FAM135B: variants seen among roughly 807,000 people sequenced by gnomAD.
The protein encoded by FAM135B is protein FAM135B.
A neutral mutation model predicts 127.7 loss-of-function variants in FAM135B; 43 were observed. The ratio of observed to expected loss-of-function variants is 0.34; its 90% CI spans 0.26 to 0.43. The LOEUF (loss-of-function observed/expected upper bound fraction) is 0.43, where lower values mean the gene tolerates loss of function less well. Ranked by LOEUF, FAM135B falls within the 20% of genes least tolerant of loss-of-function variation. The pLI, the probability that FAM135B is intolerant of heterozygous loss-of-function variation, is 1.00. For synonymous variants in FAM135B, 670 were observed against 665.1 expected (o/e 1.01, Z -0.11); for missense variants, 1,558 against 1,725.6 (o/e 0.90, Z 1.72).
rs553596404 is a variant in FAM135B, at chr8:138,173,037, C to T, written c.1103+4310G>A. On this transcript the variant is annotated intron_variant, in intron 11 of 19. Coordinates refer to ENST00000395297, the MANE Select transcript of FAM135B (RefSeq NM_015912.4). ...CACCTCCTCATCTTTCTAAATGACACTCTAGGGGAGCGGGCTTTGCTTGGA... is the reference window on the plus strand; with the variant it reads ...CACCTCCTCATCTTTCTAAATGACATTCTAGGGGAGCGGGCTTTGCTTGGA... Among the ~76,000 whole-genome samples, 97 of 152,274 alleles carry T rather than the reference C, an allele frequency of 6.4e-4. No homozygotes were observed. In the Middle Eastern group the frequency reaches 0.017, roughly 27 times the overall value.
At chr8:138,325,748 G>GC (rs1162642337) in intron 2 of FAM135B, among the ~76,000 whole-genome samples, 1 of 152,050 alleles carries the variant, frequency 6.6e-6, no homozygotes, top group Non-Finnish European at 1.5e-5. Flanking sequence ...ACAAAACAAA[G>GC]CAAGTGAACA....
chr8:138,396,745 A>G (rs1832875959), intron 1 of FAM135B, among the ~76,000 whole-genome samples: 1 of 152,028 alleles, frequency 6.6e-6, no homozygotes, highest in Non-Finnish European at 1.5e-5. Flanking sequence ...AACCTCACCC[A>G]CAGCTGCAGG....
intron 7 of FAM135B, among the ~76,000 whole-genome samples, chr8:138,234,784 C>A (rs6577898): frequency 0.29 from 43,456 of 152,046 alleles, 6,641 homozygotes; most frequent in African/African-American, 0.38. Context: ...CCAGAGAGGA[C>A]TCAGTTCTAG....
At chr8:138,296,910 C>T (rs1282143386) in intron 3 of FAM135B, among the ~76,000 whole-genome samples, 1 of 152,184 alleles carries the variant, frequency 6.6e-6, no homozygotes, top group Non-Finnish European at 1.5e-5. Flanking sequence ...CTCCCTTCCT[C>T]ATGAATACTA....
rs557719866 is a variant in FAM135B at position 138,278,553 on chromosome 8, A to ATTTT, written c.158-12715_158-12712dup. ...TAATTTTTCCTATTATAAGAACATG[A>ATTTT]TTTTTTTTTTTTTTTTTTTTTTTTT... On this transcript the variant is annotated intron_variant, in intron 3 of 19. Transcript: ENST00000395297. 2.0e-4 allele frequency among the ~76,000 whole-genome samples: 12 copies of ATTTT among 60,470 alleles called. 2 individuals carry two copies. Among genetic ancestry groups the ATTTT allele is most frequent in the African/African-American group, 7.8e-4 (12 of 15,288 alleles). 39.7% of individuals were successfully genotyped at this position (60,470 alleles called of 152,430 possible). A position where few individuals can be genotyped will look rare whatever the true frequency, so the allele number is the denominator to read the frequency against.
intron 1 of FAM135B, among the ~76,000 whole-genome samples, chr8:138,448,079 T>C (rs1446675792): frequency 6.6e-6 from 1 of 150,532 alleles, no homozygotes; most frequent in African/African-American, 2.5e-5. Flanking sequence ...AGAAGTCATA[T>C]GGCACAGAGC....
At position 138,457,017 on chromosome 8, in the gene FAM135B, A is replaced by G. The variant is rs549007493; in HGVS notation, c.-20+39654T>C. ...AACAAAGAAGATGTGAAAGAAAAAT[A>G]AAAGGAACAAAAAAAAAAAAGCTTT... On this transcript the variant is annotated intron_variant, in intron 1 of 19. Coordinates refer to ENST00000395297, the MANE Select transcript of FAM135B (RefSeq NM_015912.4). 2.8e-3 allele frequency among the ~76,000 whole-genome samples: 326 copies of G among 115,976 alleles called. 3 individuals are homozygous for G. The highest frequency in any genetic ancestry group is 8.7e-3 in the African/African-American group (313 of 35,998). The allele number at this position is 115,976 out of a possible 152,430, so 76.1% of individuals were successfully genotyped here.
intron 3 of FAM135B, among the ~76,000 whole-genome samples, chr8:138,304,943 C>T (rs537043658): frequency 2.0e-5 from 3 of 152,160 alleles, no homozygotes; most frequent in African/African-American, 7.2e-5. Context: ...CACTCTGCCA[C>T]CCACCCTGCC....
At chr8:138,435,607 T>C (rs150018386) in intron 1 of FAM135B, among the ~76,000 whole-genome samples, 8 of 152,358 alleles carry the variant, frequency 5.3e-5, no homozygotes, top group African/African-American at 1.4e-4. Context: ...TAAGTAGTTA[T>C]GTATAGTTTT....
At chr8:138,442,267 T>TATATATATATACATAC (rs34280434) in intron 1 of FAM135B, among the ~76,000 whole-genome samples, 1 of 86,750 alleles carries the variant, frequency 1.2e-5, no homozygotes, top group Non-Finnish European at 2.4e-5. Flanking sequence ...TATATATATA[T>TATATATATATACATAC]ATATATATAT....
chr8:138,383,289 G>A (rs1271433530), intron 1 of FAM135B, among the ~76,000 whole-genome samples: 1 of 152,198 alleles, frequency 6.6e-6, no homozygotes, highest in Non-Finnish European at 1.5e-5. Context: ...AATCCCAAAT[G>A]CAATGTGTAT....
chr8:138,317,563 A>C (rs373080430), intron 2 of FAM135B, among the ~76,000 whole-genome samples: 13 of 152,330 alleles, frequency 8.5e-5, no homozygotes, highest in African/African-American at 2.9e-4. Context: ...ACTGCATGTG[A>C]TTCTACAACT....
intron 1 of FAM135B, among the ~76,000 whole-genome samples, chr8:138,411,271 G>T (rs2131405795): frequency 1.3e-5 from 2 of 152,060 alleles, no homozygotes; most frequent in Admixed American, 1.3e-4. Context: ...AAAACAGCAT[G>T]GTACTGGTAC....
At chr8:138,136,825 G>A (rs1338130075) in intron 19 of FAM135B, among the ~76,000 whole-genome samples, 3 of 152,024 alleles carry the variant, frequency 2.0e-5, no homozygotes, top group Non-Finnish European at 4.4e-5. Context: ...ATTACTTGTC[G>A]AGGCTCCAAC....
At chr8:138,171,179 T>G (rs1820405386) in intron 11 of FAM135B, among the ~76,000 whole-genome samples, 1 of 152,152 alleles carries the variant, frequency 6.6e-6, no homozygotes, top group African/African-American at 2.4e-5. Context: ...ATATTTCTTC[T>G]CATCTCTCTC....
At chr8:138,424,917 T>A (rs1317924974) in intron 1 of FAM135B, among the ~76,000 whole-genome samples, 1 of 152,212 alleles carries the variant, frequency 6.6e-6, no homozygotes, top group Non-Finnish European at 1.5e-5. Context: ...TGTTCATTCC[T>A]CAGGTTGCTA....
At chr8:138,351,000 C>T (rs1381809246) in intron 2 of FAM135B, among the ~76,000 whole-genome samples, 1 of 152,158 alleles carries the variant, frequency 6.6e-6, no homozygotes, top group African/African-American at 2.4e-5. Flanking sequence ...CTGGGACTTT[C>T]ATGGTCTTAG....
intron 1 of FAM135B, among the ~76,000 whole-genome samples, chr8:138,482,710 A>G (rs531621703): frequency 6.6e-6 from 1 of 152,262 alleles, no homozygotes; most frequent in East Asian, 1.9e-4. Context: ...TTGTTTGATG[A>G]AAGGATTTAT....
At chr8:138,442,645 T>G (rs1190636107) in intron 1 of FAM135B, among the ~76,000 whole-genome samples, 2 of 151,980 alleles carry the variant, frequency 1.3e-5, no homozygotes, top group African/African-American at 2.4e-5. Flanking sequence ...AAAAACATTC[T>G]GGAGAGTAGC....
Sources: allele counts gnomAD v4.1 joint callset (sites outside exome capture counted in the v4.1 genomes callset), GRCh38; gene constraint gnomAD v4.1.1; transcripts MANE v1.5; gene names NCBI Gene and HGNC (gene_info 2026-07-23, HGNC 2026-07-21).